The following LIPC variants were observed in gnomAD, a reference collection of about 807,000 sequenced individuals.
The protein encoded by LIPC is lipase C, hepatic type, also known as hepatic triacylglycerol lipase.
LIPC carries 44 observed loss-of-function variants against 50.7 expected under a neutral mutation model. That is an observed-to-expected ratio of 0.87 (90% confidence interval 0.68 to 1.11). The LOEUF (loss-of-function observed/expected upper bound fraction) is 1.11, where lower values mean the gene tolerates loss of function less well. Ranked by LOEUF, LIPC falls within the 50% of genes most tolerant of loss-of-function variation. LIPC has a pLI of 0.00. For synonymous variants in LIPC, 271 were observed against 256.4 expected (o/e 1.06, Z -0.54); for missense variants, 697 against 648.2 (o/e 1.08, Z -0.82).
At chr15:58,457,783 A>T (rs760573154) in intron 1 of LIPC, among the ~76,000 whole-genome samples, 2 of 152,220 alleles carry the variant, frequency 1.3e-5, no homozygotes, top group Admixed American at 1.3e-4. Flanking sequence ...AACTGGATAT[A>T]TGGTAAGGAT....
chr15:58,567,209 TA>T (rs1566954914), intron 8 of LIPC, among the ~76,000 whole-genome samples: 2 of 127,734 alleles, frequency 1.6e-5, no homozygotes, highest in East Asian at 2.2e-4. Context: ...TCAAAAAAAA[TA>T]AAAAATATAT....
chr15:58,521,473 T>A (rs1329123461), intron 1 of LIPC: 2 of 151,082 alleles, frequency 1.3e-5, no homozygotes, highest in Non-Finnish European at 2.9e-5. Flanking sequence ...GGCTAAGGTG[T>A]AGGAAGAGGA....
At chr15:58,523,192 G>A (rs1373216112) in intron 1 of LIPC, 1 of 152,404 alleles carries the variant, frequency 6.6e-6, no homozygotes, top group Admixed American at 6.5e-5. Flanking sequence ...TCCTTCCACA[G>A]AATTCTCTGC....
chr15:58,555,809 T>TG (rs1893925137), intron 6 of LIPC, among the ~76,000 whole-genome samples: 1 of 152,178 alleles, frequency 6.6e-6, no homozygotes, highest in African/African-American at 2.4e-5. Context: ...GAGGAGGGGC[T>TG]GCTGATAATC....
chr15:58,507,278 T>A (rs182366533), intron 1 of LIPC, among the ~76,000 whole-genome samples: 125 of 152,188 alleles, frequency 8.2e-4, no homozygotes, highest in Non-Finnish European at 1.5e-3. Context: ...CTTTTCTTTT[T>A]GCTTTCTCTA....
At chr15:58,532,998 G>A (rs1893003288) in intron 1 of LIPC, 1 of 173,308 alleles carries the variant, frequency 5.8e-6, no homozygotes. Flanking sequence ...CTGTCATACA[G>A]AGGACAACCC....
At chr15:58,476,384 C>T (rs188421147) in intron 1 of LIPC, among the ~76,000 whole-genome samples, 17 of 152,338 alleles carry the variant, frequency 1.1e-4, no homozygotes, top group African/African-American at 4.1e-4. Flanking sequence ...ACACACCATC[C>T]TCTAAGGGAC....
chr15:58,487,781 T>G (rs1201934102), intron 1 of LIPC, among the ~76,000 whole-genome samples: 1 of 152,214 alleles, frequency 6.6e-6, no homozygotes, highest in Non-Finnish European at 1.5e-5. Context: ...GCAGTTATTT[T>G]AAGGAAATTC....
chr15:58,477,229 T>G (rs1275776601), intron 1 of LIPC, among the ~76,000 whole-genome samples: 2 of 152,338 alleles, frequency 1.3e-5, no homozygotes, highest in East Asian at 3.9e-4. Context: ...AAATCTGCCT[T>G]GATTTTGTCT....
intron 1 of LIPC, among the ~76,000 whole-genome samples, chr15:58,484,513 C>T (rs1891298199): frequency 6.6e-6 from 1 of 152,244 alleles, no homozygotes; most frequent in Non-Finnish European, 1.5e-5. Flanking sequence ...CTAATAAGGG[C>T]TTTACCAATA....
intron 2 of LIPC, among the ~76,000 whole-genome samples, chr15:58,540,221 A>G (rs1229682595): frequency 2.6e-5 from 4 of 152,248 alleles, no homozygotes; most frequent in Non-Finnish European, 4.4e-5. Context: ...TGCTTTTACC[A>G]AAATGCACTC....
chr15:58,561,350 C>T (rs1345901922), intron 7 of LIPC, among the ~76,000 whole-genome samples: 2 of 152,156 alleles, frequency 1.3e-5, no homozygotes, highest in Non-Finnish European at 2.9e-5. Flanking sequence ...GCTTCCAAGT[C>T]ATGGGTGCAT....
intron 1 of LIPC, among the ~76,000 whole-genome samples, chr15:58,473,358 C>T (rs1297504069): frequency 2.0e-5 from 3 of 152,108 alleles, no homozygotes; most frequent in Non-Finnish European, 4.4e-5. Context: ...GTGTGAGAAG[C>T]CCTCGTGGTG....
chr15:58,487,970 T>A (rs1891434757), intron 1 of LIPC, among the ~76,000 whole-genome samples: 1 of 152,196 alleles, frequency 6.6e-6, no homozygotes, highest in African/African-American at 2.4e-5. Context: ...GAGCTTCAGT[T>A]TCTTCATCAG....
intron 1 of LIPC, among the ~76,000 whole-genome samples, chr15:58,445,635 C>T (rs1369591574): frequency 6.6e-6 from 1 of 152,196 alleles, no homozygotes; most frequent in East Asian, 1.9e-4. Flanking sequence ...CTGAGGGAGA[C>T]TCTGGGTGAG....
At chr15:58,432,243 T>A in intron 1 of LIPC, 123 bp downstream of exon 1, 1 of 771,686 alleles carries the variant, frequency 1.3e-6, no homozygotes, top group Non-Finnish European at 2.3e-6. Flanking sequence ...GCCAGGTGGT[T>A]CTATACACGA....
intron 1 of LIPC, among the ~76,000 whole-genome samples, chr15:58,494,180 C>T (rs1246631521): frequency 6.6e-6 from 1 of 152,196 alleles, no homozygotes; most frequent in Non-Finnish European, 1.5e-5. Flanking sequence ...GAGAGAATCC[C>T]CAGAGAGAGC....
At chr15:58,449,999 C>T (rs1595858124) in intron 1 of LIPC, among the ~76,000 whole-genome samples, 1 of 152,190 alleles carries the variant, frequency 6.6e-6, no homozygotes, top group Non-Finnish European at 1.5e-5. Context: ...CCAGCCTGTC[C>T]TCTGTCCAGA....
intron 1 of LIPC, among the ~76,000 whole-genome samples, chr15:58,535,020 C>T (rs769441004): frequency 1.7e-4 from 26 of 152,172 alleles, no homozygotes; most frequent in Non-Finnish European, 2.4e-4. Flanking sequence ...TGTCATCCTC[C>T]CAATCTTATT....
Sources: gnomAD v4.1 joint callset for allele counts (sites outside exome capture counted in the v4.1 genomes callset) on GRCh38, gnomAD v4.1.1 for gene constraint, MANE v1.5 for transcripts, NCBI Gene and HGNC (gene_info 2026-07-23, HGNC 2026-07-21) for gene names.